Variants in MYZAP observed in about 807,000 individuals in gnomAD.
The protein encoded by MYZAP is myocardial zonula adherens protein.
In MYZAP, 66 loss-of-function variants were observed where a neutral mutation model predicts 69.4. The observed-to-expected ratio is 0.95, with a 90% CI of 0.78 to 1.17. The LOEUF (loss-of-function observed/expected upper bound fraction) is 1.17, where lower values mean the gene tolerates loss of function less well. Ranked by LOEUF, MYZAP falls within the 50% of genes most tolerant of loss-of-function variation. The pLI, the probability that MYZAP is intolerant of heterozygous loss-of-function variation, is 0.00. For missense variants in MYZAP, 611 were observed against 556.2 expected, an observed-to-expected ratio of 1.10 and a Z score of -0.99; for synonymous variants, 256 against 205.9, an observed-to-expected ratio of 1.24 and a Z score of -2.09.
chr15:57,638,037 T>C (rs1301362424), intron 9 of MYZAP, among the ~76,000 whole-genome samples: 1 of 152,232 alleles, frequency 6.6e-6, no homozygotes, highest in Non-Finnish European at 1.5e-5. Context: ...GGTCTATTAA[T>C]GTTCTCCATG....
intron 8 of MYZAP, among the ~76,000 whole-genome samples, chr15:57,636,772 C>T (rs2036841727): frequency 6.6e-6 from 1 of 152,230 alleles, no homozygotes; most frequent in African/African-American, 2.4e-5. Flanking sequence ...TCTAAATATA[C>T]ATATATATAG....
chr15:57,662,752 A>G (rs1350820637), intron 11 of MYZAP, among the ~76,000 whole-genome samples: 4 of 152,194 alleles, frequency 2.6e-5, no homozygotes, highest in African/African-American at 9.6e-5. Flanking sequence ...GCCCAAGGTT[A>G]CAGTAGAGAT....
At chr15:57,635,139 A>T (rs985017519) in intron 8 of MYZAP, among the ~76,000 whole-genome samples, 1 of 152,184 alleles carries the variant, frequency 6.6e-6, no homozygotes, top group Non-Finnish European at 1.5e-5. Context: ...TGGGGATTTG[A>T]ATCTTGTGTC....
At chr15:57,643,887 AGAG>A (rs138553178) in intron 10 of MYZAP, among the ~76,000 whole-genome samples, 3,348 of 152,302 alleles carry the variant, frequency 0.022, 47 homozygotes, top group Middle Eastern at 0.095. Flanking sequence ...TTTCATTTGC[AGAG>A]GAGGCATTTT....
At chr15:57,644,245 T>C (rs766709036) in intron 10 of MYZAP, among the ~76,000 whole-genome samples, 4 of 152,162 alleles carry the variant, frequency 2.6e-5, no homozygotes, top group Non-Finnish European at 4.4e-5. Context: ...GAAGCTCCTA[T>C]GCCTGAGGTG....
chr15:57,606,044 A>G (rs1027657097), intron 2 of MYZAP, among the ~76,000 whole-genome samples: 1 of 152,198 alleles, frequency 6.6e-6, no homozygotes, highest in Non-Finnish European at 1.5e-5. Flanking sequence ...CTAGCTAATA[A>G]GTTTAGAAAA....
intron 10 of MYZAP, among the ~76,000 whole-genome samples, chr15:57,661,242 G>C (rs1595922132): frequency 1.3e-5 from 2 of 152,278 alleles, no homozygotes; most frequent in African/African-American, 4.8e-5. Flanking sequence ...CTGTCTTGGA[G>C]CGTCTCGCGT....
At chr15:57,599,516 G>A in intron 1 of MYZAP, 1 of 1,222,806 alleles carries the variant, frequency 8.2e-7, no homozygotes, top group South Asian at 1.4e-5. Flanking sequence ...CGGTAGCAGT[G>A]GTGTTCAGGG....
At chr15:57,621,250 A>G (rs2253769) in intron 3 of MYZAP, among the ~76,000 whole-genome samples, 67,222 of 137,434 alleles carry the variant, frequency 0.49, 16,391 homozygotes, top group African/African-American at 0.6. Context: ...TTGCTCTGTC[A>G]CCCAGGCTGG....
intron 2 of MYZAP, 94 bp downstream of exon 2, chr15:57,604,449 G>T: frequency 3.6e-6 from 5 of 1,399,562 alleles, no homozygotes; most frequent in Non-Finnish European, 5.0e-6. Flanking sequence ...CCCAGAGGCT[G>T]GGTGTCTGCA....
rs1332410026 is a variant in MYZAP, at chr15:57,684,527, T to C, written c.*29T>C. On this transcript the variant is annotated 3_prime_UTR_variant, in exon 13 of 13. Transcript: ENST00000267853. ...CTCAGAGGCATACACTTTTTACAGA[T>C]GGACAAAAGCTCTGGAACCCTGTGG... 4.9e-6 allele frequency: 7 copies of C among 1,423,810 alleles called. No homozygotes were observed. The highest frequency in any genetic ancestry group is 2.9e-6 in the Non-Finnish European group (3 of 1,017,164). 88.2% of individuals were successfully genotyped at this position (1,423,810 alleles called of 1,614,324 possible).
chr15:57,664,258 G>T (rs1289157462), intron 11 of MYZAP, among the ~76,000 whole-genome samples: 1 of 152,136 alleles, frequency 6.6e-6, no homozygotes, highest in African/African-American at 2.4e-5. Flanking sequence ...TTGGGTCACA[G>T]GACCCTCAGT....
intron 11 of MYZAP, among the ~76,000 whole-genome samples, chr15:57,674,224 A>G (rs1423891680): frequency 5.3e-5 from 8 of 151,750 alleles, no homozygotes; most frequent in South Asian, 2.1e-4. Flanking sequence ...TTCTTTGTCT[A>G]TTTTCATTTT....
chr15:57,677,034 A>G (rs1410754049), intron 12 of MYZAP, among the ~76,000 whole-genome samples: 2 of 152,182 alleles, frequency 1.3e-5, no homozygotes, highest in African/African-American at 4.8e-5. Flanking sequence ...CCTCGCAAAT[A>G]TTTATTAAGT....
chr15:57,671,618 G>C (rs1279990299), intron 11 of MYZAP, among the ~76,000 whole-genome samples: 3 of 151,694 alleles, frequency 2.0e-5, no homozygotes, highest in Non-Finnish European at 4.4e-5. Flanking sequence ...TTATATTAAT[G>C]TATTGTAAAA....
At chr15:57,625,093 T>C (rs2140410791) in intron 4 of MYZAP, among the ~76,000 whole-genome samples, 1 of 151,952 alleles carries the variant, frequency 6.6e-6, no homozygotes, top group South Asian at 2.1e-4. Flanking sequence ...GTTTCGCTGT[T>C]GTCACCCAGG....
Position 57,616,258 on chromosome 15 carries a change from T to C in MYZAP, c.163-1775T>C, listed in dbSNP as rs374690360. On this transcript the variant is annotated intron_variant, in intron 2 of 12. Transcript: ENST00000267853. ...GGCCAGGCAAGGTGGCTCATGCTTG[T>C]AATCCCAGCACTTTGGGAGGCCAAA... Among the ~76,000 whole-genome samples, 4 of 152,228 alleles carry C rather than the reference T, an allele frequency of 2.6e-5. No individual in the cohort carries two copies. In the East Asian group the frequency reaches 5.8e-4, roughly 22 times the overall value.
Position 57,670,801 on chromosome 15 carries a change from A to G in MYZAP, c.1204-4167A>G, listed in dbSNP as rs957171431. 3.3e-5 allele frequency among the ~76,000 whole-genome samples: 5 copies of G among 152,162 alleles called. No individual in the cohort carries two copies. In the South Asian group the frequency reaches 6.2e-4, roughly 19 times the overall value. Reference sequence around the variant, plus strand: ...TGTTGGTGGTTACTCTAGGTATTGTAGTATACATCATTAGCTGTTCACTGT... The same window carrying G: ...TGTTGGTGGTTACTCTAGGTATTGTGGTATACATCATTAGCTGTTCACTGT... On this transcript the variant is annotated intron_variant, in intron 11 of 12. Transcript: ENST00000267853.
rs1567233403 is a variant in MYZAP at position 57,661,477 on chromosome 15, C to T, written c.1147C>T (p.Gln383Ter). 2 of 1,608,872 alleles carry T rather than the reference C, an allele frequency of 1.2e-6. No homozygotes were observed. Among genetic ancestry groups the T allele is most frequent in the Admixed American group, 1.7e-5 (1 of 59,312 alleles). Residue 383 changes from glutamine to a stop codon, truncating the protein, a stop_gained, in exon 11 of 13, where the codon CAG becomes TAG. Transcript: ENST00000267853. LOFTEE classifies it high-confidence loss of function. Reference sequence around the variant, plus strand: ...TGAATCATTAAAGAAAAAGTTGCAACAGAAACAGCTCTTAATACTGCAGCT... The same window carrying T: ...TGAATCATTAAAGAAAAAGTTGCAATAGAAACAGCTCTTAATACTGCAGCT... ...EIESLKKKLQQKQLLILQLLE... is the reference protein window; with the variant it reads ...EIESLKKKLQ
Sources: allele counts gnomAD v4.1 joint callset (sites outside exome capture counted in the v4.1 genomes callset), GRCh38; gene constraint gnomAD v4.1.1; transcripts MANE v1.5; gene names NCBI Gene and HGNC (gene_info 2026-07-23, HGNC 2026-07-21).